The following POLD1 variants were observed in gnomAD, a reference collection of about 807,000 sequenced individuals.
POLD1 encodes DNA polymerase delta 1, catalytic subunit.
Under a neutral mutation model 129.7 loss-of-function variants are expected in POLD1, and 79 were observed. The ratio of observed to expected loss-of-function variants is 0.61; its 90% CI spans 0.51 to 0.73. The LOEUF (loss-of-function observed/expected upper bound fraction) is 0.73. POLD1 is among the 30% of genes least tolerant of loss of function. POLD1 has a pLI of 0.00. For missense variants in POLD1, 1,338 were observed against 1,595.8 expected, an observed-to-expected ratio of 0.84 and a Z score of 2.75; for synonymous variants, 714 against 683.3, an observed-to-expected ratio of 1.04 and a Z score of -0.70.
At chr19:50,390,354 G>A (rs1231555965) in intron 1 of POLD1, among the ~76,000 whole-genome samples, 1 of 151,980 alleles carries the variant, frequency 6.6e-6, no homozygotes, top group Non-Finnish European at 1.5e-5. Flanking sequence ...GGTTGCCCCG[G>A]GAGGATGGAG....
chr19:50,398,675 G>A (rs2038460997), intron 1 of POLD1, among the ~76,000 whole-genome samples, 176 bp from the exon 2 acceptor site: 1 of 150,482 alleles, frequency 6.6e-6, no homozygotes, highest in African/African-American at 2.4e-5. Context: ...GCTAACAATT[G>A]AGCGTCTGGA....
rs1474356486 is a variant in POLD1, at chr19:50,406,743, G to A, written c.1494+226G>A. Among the ~76,000 whole-genome samples, 1 of 151,978 alleles carries A rather than the reference G, an allele frequency of 6.6e-6. No individual in the cohort carries two copies. The highest frequency in any genetic ancestry group is 1.5e-5 in the Non-Finnish European group (1 of 68,004). ...GACCTTGTCTCTGCTTTCCTGGCCT[G>A]ACCACAGGTCCACGGTGGCCTTCAG... On this transcript the variant is annotated intron_variant, in intron 12 of 26. Transcript: ENST00000440232. This position sits in a 1 kb window ranked among gnomAD's most constrained non-coding sequence, Gnocchi z 5.5.
intron 1 of POLD1, among the ~76,000 whole-genome samples, chr19:50,397,039 C>A (rs1310836853): frequency 1.5e-5 from 2 of 137,260 alleles, no homozygotes; most frequent in East Asian, 2.3e-4. Context: ...AGGTTGCAGC[C>A]AAGATCGCAC....
intron 3 of POLD1, among the ~76,000 whole-genome samples, chr19:50,399,741 C>T (rs754948385): frequency 5.9e-5 from 9 of 152,184 alleles, no homozygotes; most frequent in Non-Finnish European, 1.2e-4. Flanking sequence ...GTTTTGCATA[C>T]GTAGTAGCTG....
intron 1 of POLD1, among the ~76,000 whole-genome samples, chr19:50,392,104 T>C (rs1397967537): frequency 6.6e-6 from 1 of 151,810 alleles, no homozygotes; most frequent in African/African-American, 2.4e-5. Context: ...CATGTCTTGC[T>C]CTCTTGCCCA....
chr19:50,415,426 G>A lies in POLD1; in HGVS notation c.2565-12G>A, dbSNP rs779262089. ...GCCTTTTGGTGACGCTGTGCGGCCC[G>A]CTCTCCTACAGAGACCCTGAGGGCG... On this transcript the variant is annotated splice_polypyrimidine_tract_variant and intron_variant, in intron 20 of 26. Coordinates refer to ENST00000440232, the MANE Select transcript of POLD1 (RefSeq NM_002691.4). 2.0e-5 allele frequency: 32 copies of A among 1,605,260 alleles called. No individual in the cohort carries two copies. The highest frequency in any genetic ancestry group is 8.0e-5 in the African/African-American group (6 of 74,740).
chr19:50,405,850 C>T (rs35228262), intron 10 of POLD1, among the ~76,000 whole-genome samples: 2 of 152,138 alleles, frequency 1.3e-5, no homozygotes, highest in Non-Finnish European at 2.9e-5. Flanking sequence ...CCTCTGCCCC[C>T]ACCTGGCCGC....
chr19:50,403,590 C>A lies in POLD1; in HGVS notation c.1235C>A (p.Thr412Asn), dbSNP rs774993483. ...CCGTACCTCATCTCTCGGGCCCAGACCCTCAAGGTGAGGGCTGGGCAGGTG... is the reference window on the plus strand; with the variant it reads ...CCGTACCTCATCTCTCGGGCCCAGAACCTCAAGGTGAGGGCTGGGCAGGTG... ...DLPYLISRAQ[T>N]LKVQTFPFLG... Residue 412 changes from threonine (T) to asparagine (N), a missense_variant, in exon 10 of 27, where the codon ACC becomes AAC. By Grantham distance (65) the Thr-to-Asn change is moderately conservative. This residue lies in a region of POLD1 where 720 missense variants were observed against 1,002.6 expected (regional missense o/e 0.72). Coordinates refer to ENST00000440232, the MANE Select transcript of POLD1 (RefSeq NM_002691.4). 1.9e-6 allele frequency: 3 copies of A among 1,609,264 alleles called. No homozygotes were observed. Among genetic ancestry groups the A allele is most frequent in the South Asian group, 1.1e-5 (1 of 90,984 alleles).
At position 50,409,365 on chromosome 19, in the gene POLD1, C is replaced by T. The variant is rs1020788705; in HGVS notation, c.2006+130C>T. ...CAGCTGTGCGTGAATTAGCACAAGG[C>T]ATCCCCTCCTGGCAGCTTCCTTTTG... is the stretch of plus-strand genomic sequence containing the variant. On this transcript the variant is annotated intron_variant, in intron 16 of 26. Transcript: ENST00000440232. This position sits in a 1 kb window ranked among gnomAD's most constrained non-coding sequence, Gnocchi z 5.8. The T allele has an allele frequency of 8.0e-7, 1 of 1,251,652 alleles. No individual in the cohort carries two copies. Among genetic ancestry groups the T allele is most frequent in the African/African-American group, 1.5e-5 (1 of 67,412 alleles). The allele number at this position is 1,251,652 out of a possible 1,614,324, so 77.5% of individuals were successfully genotyped here.
Position 50,400,688 on chromosome 19 carries a change from T to C in POLD1, c.317-1090T>C, listed in dbSNP as rs567349359. 8.6e-5 allele frequency among the ~76,000 whole-genome samples: 13 copies of C among 150,724 alleles called. No homozygotes were observed. The South Asian group carries it at 2.7e-3, about 32-fold the overall frequency. On this transcript the variant is annotated intron_variant, in intron 3 of 26. Transcript: ENST00000440232. ...CTAGGACTACAGGTGTGCACCACAA[T>C]GTCTGGCTAACTTTTTTTTTTTTTT...
chr19:50,398,303 G>T (rs1006865144), intron 1 of POLD1, among the ~76,000 whole-genome samples: 2 of 152,144 alleles, frequency 1.3e-5, no homozygotes, highest in African/African-American at 4.8e-5. Context: ...CGGGCGCGGA[G>T]ACTCAGGCCT....
rs201261298 is a variant in POLD1 at position 50,399,028 on chromosome 19, G to A, written c.177G>A (p.Gln59=). 1.0e-5 allele frequency: 16 copies of A among 1,556,698 alleles called. No individual in the cohort carries two copies. The highest frequency in any genetic ancestry group is 1.9e-5 in the Admixed American group (1 of 51,326). The change falls in exon 2 of 27, where the codon CAG becomes CAA. Residue 59 remains glutamine, a synonymous_variant. Coordinates refer to ENST00000440232, the MANE Select transcript of POLD1 (RefSeq NM_002691.4). ...RLQEQEEEEL[Q]SVLEGVADGQ... ...AGGAGCAGGAGGAGGAGGAGCTGCA[G>A]TCAGTCCTGGAGGGGGTTGCAGACG...
At position 50,398,920 on chromosome 19, in the gene POLD1, G is replaced by GGAT. The variant is rs767241512; in HGVS notation, c.80_82dup (p.Asp27dup). On this transcript the variant is annotated inframe_insertion, in exon 2 of 27. Transcript: ENST00000440232. Reference sequence around the variant, plus strand: ...CAAAGCGGGCCCGTGGGGGCCTCTGGGATGATGATGATGCACCTCGGCCAT... The same window carrying GGAT: ...CAAAGCGGGCCCGTGGGGGCCTCTGGGATGATGATGATGATGCACCTCGGCCAT... The GGAT allele has an allele frequency of 7.5e-6, 12 of 1,597,622 alleles. No homozygotes were observed. Among genetic ancestry groups the GGAT allele is most frequent in the Non-Finnish European group, 9.4e-6 (11 of 1,173,488 alleles).
At chr19:50,389,411 C>A (rs7249052) in intron 1 of POLD1, among the ~76,000 whole-genome samples, 4,660 of 152,104 alleles carry the variant, frequency 0.031, 235 homozygotes, top group African/African-American at 0.11. Flanking sequence ...CGTGAGCCAC[C>A]GTACCTGGCC....
In POLD1 at chr19:50,416,546, G is replaced by T. The variant is rs1304868428; in HGVS notation, c.2953+18G>T. Reference sequence around the variant, plus strand: ...GCTACTGCGTACGGGGGCACCAGGGGACTGGGGGCACCCTGGGGGGGCAGA... The same window carrying T: ...GCTACTGCGTACGGGGGCACCAGGGTACTGGGGGCACCCTGGGGGGGCAGA... On this transcript the variant is annotated intron_variant, in intron 23 of 26. Transcript: ENST00000440232. 1.9e-6 allele frequency: 3 copies of T among 1,548,990 alleles called. No individual in the cohort carries two copies. Among genetic ancestry groups the T allele is most frequent in the East Asian group, 4.8e-5 (2 of 41,272 alleles).
At chr19:50,415,667 G>GCCCCCCCCCCCCCCC in intron 21 of POLD1, 57 bp from the exon 22 acceptor site, 1 of 1,462,194 alleles carries the variant, frequency 6.8e-7, no homozygotes, top group East Asian at 2.5e-5. Context: ...CTACACCCTC[G>GCCCCCCCCCCCCCCC]CCCCCACCCC....
At chr19:50,384,599 C>A (rs2037904641) in intron 1 of POLD1, among the ~76,000 whole-genome samples, 1 of 140,180 alleles carries the variant, frequency 7.1e-6, no homozygotes, top group African/African-American at 2.7e-5. Flanking sequence ...CCTCGGCGGG[C>A]AGGGGGCGCA....
At chr19:50,407,259 T>A in intron 13 of POLD1, 68 bp from the exon 14 acceptor site, 1 of 1,548,960 alleles carries the variant, frequency 6.5e-7, no homozygotes, top group Non-Finnish European at 8.8e-7. Flanking sequence ...GATGCACTTT[T>A]TCTCCCCACT....
At chr19:50,400,953 C>T (rs2038577011) in intron 3 of POLD1, among the ~76,000 whole-genome samples, 2 of 151,760 alleles carry the variant, frequency 1.3e-5, no homozygotes, top group South Asian at 4.1e-4. Context: ...GCCTCAGCCT[C>T]CCAAAGTGCT....
Sources: allele counts gnomAD v4.1 joint callset (sites outside exome capture counted in the v4.1 genomes callset), GRCh38; gene constraint gnomAD v4.1.1; regional missense constraint gnomAD v4.1.1; non-coding constraint Gnocchi (gnomAD v3.1); transcripts MANE v1.5; gene names NCBI Gene and HGNC (gene_info 2026-07-23, HGNC 2026-07-21).